NRXN3: variants seen among roughly 807,000 people sequenced by gnomAD.
NRXN3 encodes the protein neurexin 3.
A neutral mutation model predicts 137.6 loss-of-function variants in NRXN3; 32 were observed. The observed-to-expected ratio is 0.23, with a 90% confidence interval of 0.18 to 0.31. NRXN3 has a LOEUF of 0.31. Among genes scored for constraint, NRXN3 ranks in the 10% least tolerant of loss-of-function variants. The pLI, the probability that NRXN3 is intolerant of heterozygous loss-of-function variation, is 1.00. For missense variants in NRXN3, 1,574 were observed against 2,062.5 expected, an observed-to-expected ratio of 0.76 and a Z score of 4.59; for synonymous variants, 798 against 784.5, an observed-to-expected ratio of 1.02 and a Z score of -0.29.
At chr14:78,778,110 A>G (rs9972277) in intron 8 of NRXN3, among the ~76,000 whole-genome samples, 58,317 of 152,146 alleles carry the variant, frequency 0.38, 16,558 homozygotes, top group African/African-American at 0.8. Context: ...ATAAATTGAA[A>G]ATAAATATGA....
chr14:79,434,114 G>A (rs1478657434), intron 15 of NRXN3, among the ~76,000 whole-genome samples: 3 of 152,130 alleles, frequency 2.0e-5, no homozygotes, highest in South Asian at 2.1e-4. Flanking sequence ...GCACTAATCA[G>A]ACAAGACTCA....
intron 4 of NRXN3, among the ~76,000 whole-genome samples, chr14:78,485,692 C>A (rs2095549804): frequency 2.0e-5 from 3 of 152,102 alleles, no homozygotes; most frequent in African/African-American, 7.2e-5. Context: ...ACTTTTGTTT[C>A]TTTGCTTTCC....
chr14:78,891,295 G>A (rs1325669164), intron 10 of NRXN3, among the ~76,000 whole-genome samples: 1 of 151,892 alleles, frequency 6.6e-6, no homozygotes, highest in Non-Finnish European at 1.5e-5. Flanking sequence ...TACTAATGAA[G>A]TAACTAAAAC....
At chr14:79,573,070 A>G (rs2097625170) in intron 16 of NRXN3, 3 of 152,208 alleles carry the variant, frequency 2.0e-5, no homozygotes, top group Non-Finnish European at 4.4e-5. Context: ...TTTTTCAGAT[A>G]TCTTCTCCCC....
Position 79,552,404 on chromosome 14 carries a change from C to A in NRXN3, c.3444+85002C>A, listed in dbSNP as rs139930384. 6.2e-3 allele frequency among the ~76,000 whole-genome samples: 943 copies of A among 152,226 alleles called. 11 individuals carry two copies. Among genetic ancestry groups the A allele is most frequent in the Middle Eastern group, 0.037 (11 of 294 alleles). On this transcript the variant is annotated intron_variant, in intron 16 of 20. Transcript: ENST00000335750. ...TGAGTAGTTACTTAAACCCTCTGAG[C>A]TTTATTTTATTTCTGTAAAGGAATT...
At chr14:78,523,395 C>T (rs145477008) in intron 4 of NRXN3, among the ~76,000 whole-genome samples, 55 of 152,262 alleles carry the variant, frequency 3.6e-4, no homozygotes, top group African/African-American at 1.3e-3. Flanking sequence ...AATTTGGTTG[C>T]TGCATAGGGC....
At chr14:79,101,013 G>T (rs1012352987) in intron 15 of NRXN3, among the ~76,000 whole-genome samples, 6 of 152,074 alleles carry the variant, frequency 3.9e-5, no homozygotes, top group Non-Finnish European at 8.8e-5. Context: ...TCTTTACTTT[G>T]TTTTTTTCCT....
intron 15 of NRXN3, among the ~76,000 whole-genome samples, chr14:79,326,802 G>A (rs1422744508): frequency 2.6e-5 from 4 of 152,044 alleles, no homozygotes; most frequent in African/African-American, 7.2e-5. Flanking sequence ...TTTTATATAC[G>A]AACAGAGGTT....
intron 15 of NRXN3, among the ~76,000 whole-genome samples, chr14:79,372,484 A>G (rs1417825521): frequency 5.3e-5 from 8 of 152,252 alleles, no homozygotes; most frequent in Middle Eastern, 3.4e-3. Flanking sequence ...ATATTATATA[A>G]TAATTCCTCA....
intron 16 of NRXN3, among the ~76,000 whole-genome samples, chr14:79,623,599 A>G (rs1237422822): frequency 6.6e-6 from 1 of 152,190 alleles, no homozygotes; most frequent in Non-Finnish European, 1.5e-5. Flanking sequence ...GAAATAATAT[A>G]CTCAACTGCA....
chr14:79,481,959 G>A (rs149881964), intron 16 of NRXN3, among the ~76,000 whole-genome samples: 1 of 152,134 alleles, frequency 6.6e-6, no homozygotes, highest in Non-Finnish European at 1.5e-5. Flanking sequence ...CTGATTGTCA[G>A]AAGTGCAAAA....
chr14:79,735,018 T>A (rs1272395061), intron 19 of NRXN3, among the ~76,000 whole-genome samples: 3 of 152,186 alleles, frequency 2.0e-5, no homozygotes, highest in Non-Finnish European at 4.4e-5. Context: ...AGAATTTTAT[T>A]CAATTTAAAG....
chr14:78,880,708 A>G (rs975521122), intron 10 of NRXN3, among the ~76,000 whole-genome samples: 5 of 152,186 alleles, frequency 3.3e-5, no homozygotes, highest in African/African-American at 1.2e-4. Flanking sequence ...GTATTTATTC[A>G]TATGGTACAT....
intron 15 of NRXN3, among the ~76,000 whole-genome samples, chr14:79,135,317 T>C (rs1568394132): frequency 6.6e-6 from 1 of 152,228 alleles, no homozygotes; most frequent in Non-Finnish European, 1.5e-5. Context: ...CTCCCTTTCA[T>C]AGTTTCTCTC....
At chr14:78,363,787 G>A (rs1230092445) in intron 4 of NRXN3, among the ~76,000 whole-genome samples, 1 of 152,154 alleles carries the variant, frequency 6.6e-6, no homozygotes, top group Admixed American at 6.5e-5. Context: ...AAATCATCTA[G>A]GGCTTCTCTT....
At chr14:79,050,426 A>G (rs1012069971) in intron 15 of NRXN3, among the ~76,000 whole-genome samples, 3 of 152,184 alleles carry the variant, frequency 2.0e-5, no homozygotes, top group African/African-American at 4.8e-5. Context: ...TTCTTTTTAT[A>G]TTGACAACAG....
rs148044553 is a variant in NRXN3, at chr14:78,537,173, A to T, written c.758-107947A>T. On this transcript the variant is annotated intron_variant, in intron 4 of 20. Transcript: ENST00000335750. ...TAATTCTAGTTCTAGATCCTTGAGG[A>T]ATTGCCACACTGTCTTCCACAATGG... Among the ~76,000 whole-genome samples the T allele has an allele frequency of 3.1e-3, 470 of 152,308 alleles. 8 individuals are homozygous for T. The highest frequency in any genetic ancestry group is 0.011 in the African/African-American group (456 of 41,562).
intron 19 of NRXN3, among the ~76,000 whole-genome samples, chr14:79,796,829 G>A (rs944840488): frequency 6.6e-6 from 1 of 152,176 alleles, no homozygotes; most frequent in African/African-American, 2.4e-5. Flanking sequence ...GATACGATTT[G>A]CTTGAATTCC....
chr14:79,523,863 C>A (rs1451000064), intron 16 of NRXN3, among the ~76,000 whole-genome samples: 1 of 152,126 alleles, frequency 6.6e-6, no homozygotes, highest in Non-Finnish European at 1.5e-5. Context: ...CCTCTTCTTT[C>A]ATATTTCTTT....
Sources: allele counts gnomAD v4.1 joint callset (sites outside exome capture counted in the v4.1 genomes callset), GRCh38; gene constraint gnomAD v4.1.1; transcripts MANE v1.5; gene names NCBI Gene and HGNC (gene_info 2026-07-23, HGNC 2026-07-21).